Variants in ARHGEF9 observed in about 807,000 individuals in gnomAD.
ARHGEF9 encodes rho guanine nucleotide exchange factor 9.
ARHGEF9 carries 2 observed loss-of-function variants against 41.3 expected under a neutral mutation model. That is an observed-to-expected ratio of 0.05 (90% CI 0.02 to 0.15). ARHGEF9 has a LOEUF of 0.15. Ranked by LOEUF, ARHGEF9 falls within the 10% of genes least tolerant of loss-of-function variation. ARHGEF9 has a pLI of 1.00. For missense variants in ARHGEF9, 225 were observed against 424.7 expected (o/e 0.53, Z 4.13); for synonymous variants, 160 against 154.4 (o/e 1.04, Z -0.27).
rs2047354512 is a variant in ARHGEF9, at chrX:63,637,244, C to A, written c.*784G>T. 1 of 295,929 alleles carries A rather than the reference C, an allele frequency of 3.4e-6. No individual in the cohort carries two copies. The highest frequency in any genetic ancestry group is 2.7e-5 in the African/African-American group (1 of 36,442). The allele number at this position is 295,929 out of a possible 1,213,427, so 24.4% of individuals were successfully genotyped here. ...AAAATGTTCCCTGAACAGAAGTCCA[C>A]TCCAGCATCATCATAGTCTGATACT... On this transcript the variant is annotated 3_prime_UTR_variant, in exon 10 of 10. Transcript: ENST00000671741.
intron 1 of ARHGEF9, among the ~76,000 whole-genome samples, chrX:63,781,502 C>T (rs1365310809): frequency 8.0e-5 from 9 of 111,867 alleles, no homozygotes; most frequent in African/African-American, 2.9e-4. Context: ...ACTCTATGTT[C>T]TTTCTAGCCC....
intron 1 of ARHGEF9, among the ~76,000 whole-genome samples, chrX:63,736,781 T>C (rs1404655255): frequency 1.8e-5 from 2 of 112,021 alleles, no homozygotes; most frequent in Admixed American, 1.9e-4. Context: ...TTTTACTATC[T>C]ATCTATATTA....
At chrX:63,710,209 G>C (rs1158119117) in intron 2 of ARHGEF9, among the ~76,000 whole-genome samples, 1 of 88,696 alleles carries the variant, frequency 1.1e-5, no homozygotes, top group African/African-American at 4.3e-5. Context: ...ACTGACTCAA[G>C]AAGAAGTAGA....
At chrX:63,650,443 C>T (rs1456702691) in intron 8 of ARHGEF9, among the ~76,000 whole-genome samples, 2 of 110,891 alleles carry the variant, frequency 1.8e-5, no homozygotes, top group Non-Finnish European at 3.8e-5. Context: ...TACATGGGAG[C>T]TGAAAGGTGG....
intron 5 of ARHGEF9, among the ~76,000 whole-genome samples, chrX:63,675,582 TC>T (rs2050211875): frequency 8.9e-6 from 1 of 111,934 alleles, no homozygotes; most frequent in Admixed American, 9.5e-5. Flanking sequence ...AATACAATCA[TC>T]CATGTAAACT....
At position 63,678,439 on chromosome X, in the gene ARHGEF9, T is replaced by C. The variant is rs1556365255; in HGVS notation, c.716A>G (p.Asp239Gly). Residue 239 changes from aspartate to glycine, a missense_variant, in exon 5 of 10, where the codon GAC becomes GGC. Around this residue, in one of 3 missense-constraint regions of ARHGEF9, gnomAD observed 114 missense variants for 197.9 expected, o/e 0.58. Coordinates refer to ENST00000671741, the MANE Select transcript of ARHGEF9 (RefSeq NM_001353921.2). ...CAAAAGGAAACCATCGATAGCAATG[T>C]CAATCATCTGCTGCAAGAGGCGACA... ...EACRLLQQMI[D>G]IAIDGFLLTP... The C allele has an allele frequency of 8.3e-7, 1 of 1,206,638 alleles. No individual in the cohort carries two copies.
intron 6 of ARHGEF9, among the ~76,000 whole-genome samples, chrX:63,669,260 A>G (rs1196434450): frequency 1.8e-4 from 20 of 110,306 alleles, no homozygotes; most frequent in African/African-American, 6.3e-4. Context: ...AAAATCCCCA[A>G]CCGTGGGCCT....
chrX:63,733,443 A>G (rs1413948707), intron 1 of ARHGEF9, among the ~76,000 whole-genome samples: 5 of 112,217 alleles, frequency 4.5e-5, no homozygotes, highest in Middle Eastern at 4.6e-3. Flanking sequence ...TATCAAAAAC[A>G]TCCCAAGAGT....
rs551439625 is a variant in ARHGEF9 at position 63,660,457 on chromosome X, G to A, written c.1078-4720C>T. On this transcript the variant is annotated intron_variant, in intron 7 of 9. Coordinates refer to ENST00000671741, the MANE Select transcript of ARHGEF9 (RefSeq NM_001353921.2). ...TATTGGTACTATGTTCATTACCTGC[G>A]TGATGAAATCATTTGTGTACCAAAA... 3.5e-4 allele frequency among the ~76,000 whole-genome samples: 39 copies of A among 111,460 alleles called. 1 individual carries two copies. Among genetic ancestry groups the A allele is most frequent in the South Asian group, 7.6e-4 (2 of 2,641 alleles).
At chrX:63,709,516 G>A (rs1556405309) in intron 2 of ARHGEF9, among the ~76,000 whole-genome samples, 1 of 111,309 alleles carries the variant, frequency 9.0e-6, no homozygotes, top group East Asian at 2.8e-4. Context: ...ACCTGAACAA[G>A]TCCCTGGGTG....
chrX:63,698,229 C>T (rs1344856320), intron 3 of ARHGEF9, among the ~76,000 whole-genome samples: 2 of 108,405 alleles, frequency 1.8e-5, no homozygotes, highest in Admixed American at 2.0e-4. Flanking sequence ...CATAAATGTG[C>T]CCTAAACACA....
chrX:63,645,205 A>T (rs1481402530), intron 8 of ARHGEF9, among the ~76,000 whole-genome samples: 1 of 111,054 alleles, frequency 9.0e-6, no homozygotes, highest in Non-Finnish European at 1.9e-5. Flanking sequence ...TTCAAAGGAA[A>T]ATATACTCTA....
At chrX:63,710,869 A>G (rs1556406434) in intron 2 of ARHGEF9, among the ~76,000 whole-genome samples, 1 of 111,284 alleles carries the variant, frequency 9.0e-6, no homozygotes, top group Non-Finnish European at 1.9e-5. Context: ...AAGACATTGC[A>G]TCAGAAAGAA....
At chrX:63,682,564 T>C (rs1313260149) in intron 4 of ARHGEF9, among the ~76,000 whole-genome samples, 1 of 109,478 alleles carries the variant, frequency 9.1e-6, no homozygotes, top group Non-Finnish European at 1.9e-5. Flanking sequence ...CTAATGATCA[T>C]AGGTATAAAG....
chrX:63,666,151 G>C (rs2049527392), intron 6 of ARHGEF9, 134 bp from the exon 7 acceptor site: 1 of 866,221 alleles, frequency 1.2e-6, no homozygotes, highest in African/African-American at 2.0e-5. Context: ...CAGAGGGAGA[G>C]AGGGACTCCT....
Position 63,661,316 on chromosome X carries a change from A to G in ARHGEF9, c.1077+4570T>C, listed in dbSNP as rs1379656981. The stretch of plus-strand genomic sequence containing the variant: ...CGTTGTTTAGTTCTGATCCCCTTGA[A>G]TATGGTGAAAGCAACAGGAATAAAG... On this transcript the variant is annotated intron_variant, in intron 7 of 9. Transcript: ENST00000671741. Among the ~76,000 whole-genome samples, 5 of 111,718 alleles carry G rather than the reference A, an allele frequency of 4.5e-5. No homozygotes were observed. The East Asian group carries it at 1.4e-3, about 32-fold the overall frequency.
chrX:63,768,409 C>A (rs1277267301), intron 1 of ARHGEF9, among the ~76,000 whole-genome samples: 1 of 112,051 alleles, frequency 8.9e-6, no homozygotes, highest in Non-Finnish European at 1.9e-5. Flanking sequence ...AATTCCATAT[C>A]TTTGCAATTG....
intron 1 of ARHGEF9, among the ~76,000 whole-genome samples, chrX:63,774,397 T>C (rs1442093952): frequency 9.0e-6 from 1 of 111,527 alleles, no homozygotes; most frequent in Non-Finnish European, 1.9e-5. Context: ...GCAACCCCTC[T>C]CCTTTTCCAA....
At chrX:63,771,782 G>C (rs1384906163) in intron 1 of ARHGEF9, among the ~76,000 whole-genome samples, 6 of 111,208 alleles carry the variant, frequency 5.4e-5, no homozygotes, top group African/African-American at 1.3e-4. Flanking sequence ...GGCCAGGCTG[G>C]TCTTTAATTC....
Sources: gnomAD v4.1 joint callset for allele counts (sites outside exome capture counted in the v4.1 genomes callset) on GRCh38, gnomAD v4.1.1 for gene constraint, gnomAD v4.1.1 regional missense constraint, MANE v1.5 for transcripts, NCBI Gene and HGNC (gene_info 2026-07-23, HGNC 2026-07-21) for gene names.